Variants in STUM observed in about 807,000 individuals in gnomAD.
The protein encoded by STUM is stum, mechanosensory transduction mediator homolog.
Under a neutral mutation model 15.3 loss-of-function variants are expected in STUM, and 8 were observed. The observed-to-expected ratio is 0.52, with a 90% CI of 0.31 to 0.94. The LOEUF is 0.94. STUM is among the 40% of genes least tolerant of loss of function. The pLI is 0.05. For missense variants in STUM, 142 were observed against 204.9 expected, an observed-to-expected ratio of 0.69 and a Z score of 1.87; for synonymous variants, 78 against 88.7, an observed-to-expected ratio of 0.88 and a Z score of 0.68.
chr1:226,592,908 G>A (rs560107175), intron 1 of STUM, among the ~76,000 whole-genome samples: 72 of 152,190 alleles, frequency 4.7e-4, no homozygotes, highest in African/African-American at 1.7e-3. Context: ...CCTGCCACTT[G>A]GGCGCGGTGG....
At chr1:226,596,391 C>T (rs183886935) in intron 1 of STUM, among the ~76,000 whole-genome samples, 2 of 152,226 alleles carry the variant, frequency 1.3e-5, no homozygotes, top group African/African-American at 2.4e-5. Context: ...TTAACTCAGA[C>T]ACATCAGCTT....
intron 1 of STUM, 130 bp from the exon 2 acceptor site, chr1:226,596,672 G>T: frequency 1.3e-6 from 1 of 785,290 alleles, no homozygotes; most frequent in East Asian, 2.6e-5. Flanking sequence ...AGAGGACAGG[G>T]TGCCAGACAT....
chr1:226,575,446 G>A (rs1408889896), intron 1 of STUM, among the ~76,000 whole-genome samples: 3 of 152,254 alleles, frequency 2.0e-5, no homozygotes, highest in Admixed American at 6.5e-5. Context: ...CTGCCGGCAG[G>A]CACCCAGGGT....
chr1:226,577,687 A>T lies in STUM; in HGVS notation c.203-19115A>T, dbSNP rs550454217. Among the ~76,000 whole-genome samples, 90 of 152,090 alleles carry T rather than the reference A, an allele frequency of 5.9e-4. 1 individual carries two copies. Among genetic ancestry groups the T allele is most frequent in the African/African-American group, 2.1e-3 (89 of 41,498 alleles). The stretch of plus-strand genomic sequence containing the variant: ...ATGGGAGTAAGGGCAACTGAAAGGG[A>T]GGGGGGGCCAGCAGCAGCCGCTCTT... On this transcript the variant is annotated intron_variant, in intron 1 of 3. Coordinates refer to ENST00000366788, the MANE Select transcript of STUM (RefSeq NM_001003665.4).
At chr1:226,551,489 G>GC (rs1352893095) in intron 1 of STUM, among the ~76,000 whole-genome samples, 1 of 152,180 alleles carries the variant, frequency 6.6e-6, no homozygotes, top group Non-Finnish European at 1.5e-5. Flanking sequence ...TGGTTTTATT[G>GC]CCCCCCTTCC....
chr1:226,587,189 C>A (rs920654037), intron 1 of STUM, among the ~76,000 whole-genome samples: 1 of 152,116 alleles, frequency 6.6e-6, no homozygotes, highest in Non-Finnish European at 1.5e-5. Flanking sequence ...TGCTAATAAG[C>A]ACAGGGAAGC....
intron 1 of STUM, among the ~76,000 whole-genome samples, chr1:226,595,565 C>A (rs1668165321): frequency 6.6e-6 from 1 of 152,212 alleles, no homozygotes; most frequent in Non-Finnish European, 1.5e-5. Context: ...TATCCCCAAA[C>A]CTGTGAATAT....
intron 1 of STUM, among the ~76,000 whole-genome samples, chr1:226,589,312 G>A (rs1668048102): frequency 6.6e-6 from 1 of 152,178 alleles, no homozygotes; most frequent in African/African-American, 2.4e-5. Context: ...GCCACTCCTG[G>A]CTGCTTCTCT....
chr1:226,583,818 T>A (rs1234664373), intron 1 of STUM, among the ~76,000 whole-genome samples: 2 of 152,170 alleles, frequency 1.3e-5, no homozygotes, highest in East Asian at 3.8e-4. Context: ...TGGGAGTAAT[T>A]GCCCCTCTGC....
intron 1 of STUM, among the ~76,000 whole-genome samples, chr1:226,569,522 G>A (rs1301868676): frequency 1.3e-5 from 2 of 152,152 alleles, no homozygotes; most frequent in Non-Finnish European, 2.9e-5. Flanking sequence ...GCTGATGTGC[G>A]GTCCCACACT....
At chr1:226,589,643 C>T (rs1333017322) in intron 1 of STUM, among the ~76,000 whole-genome samples, 2 of 152,188 alleles carry the variant, frequency 1.3e-5, no homozygotes, top group African/African-American at 4.8e-5. Context: ...TATCTTACAA[C>T]ACACTGATTT....
rs1667342862 is a variant in STUM, at chr1:226,549,857, T to C, written c.202+751T>C. Among the ~76,000 whole-genome samples, 2 of 152,238 alleles carry C rather than the reference T, an allele frequency of 1.3e-5. No individual in the cohort carries two copies. Among genetic ancestry groups the C allele is most frequent in the African/African-American group, 2.4e-5 (1 of 41,470 alleles). On this transcript the variant is annotated intron_variant, in intron 1 of 3. Transcript: ENST00000366788. The surrounding 1 kb of genome is among the most constrained non-coding windows in gnomAD (Gnocchi z 6.8). ...GGACTCCGGCAGCCGGCAGGGGTTC[T>C]GGTGGCATCTATGTCCCACGTTTTA... is the stretch of plus-strand genomic sequence containing the variant.
chr1:226,595,879 A>G (rs1047660551), intron 1 of STUM, among the ~76,000 whole-genome samples: 3 of 152,060 alleles, frequency 2.0e-5, no homozygotes, highest in Admixed American at 6.5e-5. Context: ...CCCATTGCAG[A>G]CTCTTCTAAC....
At position 226,579,807 on chromosome 1, in the gene STUM, T is replaced by A. The variant is rs4653755; in HGVS notation, c.203-16995T>A. On this transcript the variant is annotated intron_variant, in intron 1 of 3. Coordinates refer to ENST00000366788, the MANE Select transcript of STUM (RefSeq NM_001003665.4). Reference sequence around the variant, plus strand: ...TGCCCCCAACTAATTAAAAAAAAAATTTTTTTTTGTAGAGATGGAGCCTCC... The same window carrying A: ...TGCCCCCAACTAATTAAAAAAAAAAATTTTTTTTGTAGAGATGGAGCCTCC... Among the ~76,000 whole-genome samples the A allele has an allele frequency of 2.1e-3, 310 of 151,188 alleles. 2 individuals carry two copies. The highest frequency in any genetic ancestry group is 2.6e-3 in the Non-Finnish European group (179 of 67,764).
chr1:226,549,201 C>A lies in STUM; in HGVS notation c.202+95C>A. 8.9e-7 allele frequency: 1 copy of A among 1,118,746 alleles called. No individual in the cohort carries two copies. The highest frequency in any genetic ancestry group is 1.3e-6 in the Non-Finnish European group (1 of 795,108). 69.3% of individuals were successfully genotyped at this position (1,118,746 alleles called of 1,614,324 possible). Reference sequence around the variant, plus strand: ...CGCGGCCGGAGACCTCCTGGCGGGGCCGCGCGCTCCAAGTGCTGCGACCAC... The same window carrying A: ...CGCGGCCGGAGACCTCCTGGCGGGGACGCGCGCTCCAAGTGCTGCGACCAC... On this transcript the variant is annotated intron_variant, in intron 1 of 3. Coordinates refer to ENST00000366788, the MANE Select transcript of STUM (RefSeq NM_001003665.4). This position sits in a 1 kb window ranked among gnomAD's most constrained non-coding sequence, Gnocchi z 6.8.
chr1:226,583,392 T>C (rs983717190), intron 1 of STUM, among the ~76,000 whole-genome samples: 1 of 152,168 alleles, frequency 6.6e-6, no homozygotes, highest in Non-Finnish European at 1.5e-5. Context: ...AGTGAGGAAA[T>C]ATGGTAAAAT....
chr1:226,563,312 G>A (rs752038533), intron 1 of STUM, among the ~76,000 whole-genome samples: 8 of 152,158 alleles, frequency 5.3e-5, no homozygotes, highest in South Asian at 2.1e-4. Flanking sequence ...GGGCTATCTG[G>A]GGACCACAGG....
At chr1:226,573,690 G>A (rs1268959558) in intron 1 of STUM, among the ~76,000 whole-genome samples, 1 of 152,052 alleles carries the variant, frequency 6.6e-6, no homozygotes, top group African/African-American at 2.4e-5. Context: ...AAGGTGTACA[G>A]CATGATATTT....
intron 1 of STUM, among the ~76,000 whole-genome samples, chr1:226,570,089 G>A (rs1667683558): frequency 6.6e-6 from 1 of 152,178 alleles, no homozygotes; most frequent in Admixed American, 6.5e-5. Context: ...TCCTTCACAA[G>A]CCCCCTGCTG....
Sources: gnomAD v4.1 joint callset for allele counts (sites outside exome capture counted in the v4.1 genomes callset) on GRCh38, gnomAD v4.1.1 for gene constraint, Gnocchi (gnomAD v3.1) non-coding constraint, MANE v1.5 for transcripts, NCBI Gene and HGNC (gene_info 2026-07-23, HGNC 2026-07-21) for gene names.